ARHGEF4: variants seen among roughly 807,000 people sequenced by gnomAD.
The protein encoded by ARHGEF4 is APC-stimulated guanine nucleotide exchange factor 1.
In ARHGEF4, 119 loss-of-function variants were observed where a neutral mutation model predicts 162.0. The ratio of observed to expected loss-of-function variants is 0.73; its 90% CI spans 0.63 to 0.86. The LOEUF is 0.86. Ranked by LOEUF, ARHGEF4 falls within the 40% of genes least tolerant of loss-of-function variation. ARHGEF4 has a pLI of 0.00. For synonymous variants in ARHGEF4, 1,014 were observed against 979.9 expected (o/e 1.03, Z -0.65); for missense variants, 2,488 against 2,456.0 (o/e 1.01, Z -0.28).
At chr2:130,920,443 T>C (rs1223862172) in intron 2 of ARHGEF4, among the ~76,000 whole-genome samples, 1 of 152,200 alleles carries the variant, frequency 6.6e-6, no homozygotes, top group Non-Finnish European at 1.5e-5. Flanking sequence ...TTATGTTTCA[T>C]TCCTTACTGG....
At chr2:130,851,060 G>C (rs777865445) in intron 1 of ARHGEF4, among the ~76,000 whole-genome samples, 2 of 152,270 alleles carry the variant, frequency 1.3e-5, no homozygotes, top group African/African-American at 2.4e-5. Flanking sequence ...GGGTCCCCTT[G>C]CAGAGCTGTG....
At chr2:130,999,067 C>G (rs1290641356) in intron 4 of ARHGEF4, among the ~76,000 whole-genome samples, 1 of 152,038 alleles carries the variant, frequency 6.6e-6, no homozygotes, top group Non-Finnish European at 1.5e-5. Flanking sequence ...AATGACATAC[C>G]TGTATATCTT....
chr2:130,958,238 T>C (rs1373913112), intron 4 of ARHGEF4, among the ~76,000 whole-genome samples: 4 of 151,972 alleles, frequency 2.6e-5, no homozygotes, highest in African/African-American at 9.7e-5. Flanking sequence ...GAAGGAGCCC[T>C]GTGTTTTTGG....
chr2:130,898,154 C>T (rs1680269939), intron 1 of ARHGEF4, among the ~76,000 whole-genome samples: 1 of 152,220 alleles, frequency 6.6e-6, no homozygotes, highest in African/African-American at 2.4e-5. Context: ...GCCTTGAGCA[C>T]AAAGATGCCC....
At chr2:130,850,977 C>A (rs911271998) in intron 1 of ARHGEF4, among the ~76,000 whole-genome samples, 3 of 152,248 alleles carry the variant, frequency 2.0e-5, no homozygotes, top group African/African-American at 7.2e-5. Flanking sequence ...CCCCCGAGTT[C>A]CGACTTTGGG....
At chr2:130,886,549 C>T (rs1189166484) in intron 1 of ARHGEF4, among the ~76,000 whole-genome samples, 2 of 151,594 alleles carry the variant, frequency 1.3e-5, no homozygotes, top group Admixed American at 6.6e-5. Flanking sequence ...GGCATGGTGG[C>T]GGGCACCTGT....
At chr2:130,928,847 C>T (rs1162413201) in intron 2 of ARHGEF4, among the ~76,000 whole-genome samples, 1 of 152,156 alleles carries the variant, frequency 6.6e-6, no homozygotes, top group Non-Finnish European at 1.5e-5. Flanking sequence ...AGTCTGCTTT[C>T]TGGCCCCCTC....
chr2:130,920,742 A>G (rs1033222353), intron 2 of ARHGEF4, among the ~76,000 whole-genome samples: 5 of 152,198 alleles, frequency 3.3e-5, no homozygotes, highest in Admixed American at 6.5e-5. Context: ...TAAAACAACC[A>G]TTCTTAATAT....
At chr2:131,043,627 G>C in intron 11 of ARHGEF4, 44 bp downstream of exon 11, 1 of 1,612,460 alleles carries the variant, frequency 6.2e-7, no homozygotes, top group Non-Finnish European at 8.5e-7. Flanking sequence ...TGAGCAAGTG[G>C]AGGGAGGGGA....
At chr2:130,884,898 C>G (rs770754196) in intron 1 of ARHGEF4, among the ~76,000 whole-genome samples, 1 of 152,034 alleles carries the variant, frequency 6.6e-6, no homozygotes, top group Non-Finnish European at 1.5e-5. Flanking sequence ...GGAAGAGGCT[C>G]GGCCTCTCTA....
chr2:130,953,176 C>T (rs187633498), intron 4 of ARHGEF4, among the ~76,000 whole-genome samples: 1 of 152,080 alleles, frequency 6.6e-6, no homozygotes, highest in Non-Finnish European at 1.5e-5. Context: ...TCTACAGTAA[C>T]CAAAACAGCA....
Position 130,914,516 on chromosome 2 carries a change from C to G in ARHGEF4, c.570C>G (p.Asp190Glu). 3 of 1,428,008 alleles carry G rather than the reference C, an allele frequency of 2.1e-6. No individual in the cohort carries two copies. Among genetic ancestry groups the G allele is most frequent in the Non-Finnish European group, 2.7e-6 (3 of 1,096,808 alleles). 88.5% of individuals were successfully genotyped at this position (1,428,008 alleles called of 1,614,324 possible). A position where few individuals can be genotyped will look rare whatever the true frequency, so the allele number is the denominator to read the frequency against. ...GGTGCTGCTTACAGAGGGCCACAGA[C>G]AGCAGTGGTCCTGAGCCAGTACAGG... ...HTGCCLQRAT[D>E]SSGPEPVQGV... is the part of the protein sequence containing the mutation. Residue 190 changes from aspartate to glutamate, a missense_variant, in exon 2 of 14, where the codon GAC becomes GAG. Transcript: ENST00000409359.
chr2:130,914,291 G>A lies in ARHGEF4; in HGVS notation c.345G>A (p.Gln115=), dbSNP rs1681363848. The A allele has an allele frequency of 6.6e-7, 1 of 1,519,174 alleles. No homozygotes were observed. The highest frequency in any genetic ancestry group is 1.4e-5 in the African/African-American group (1 of 72,704). 94.1% of individuals were successfully genotyped at this position (1,519,174 alleles called of 1,614,324 possible). The change falls in exon 2 of 14, where the codon CAG becomes CAA. Residue 115 remains glutamine, a synonymous_variant. Coordinates refer to ENST00000409359, the MANE Select transcript of ARHGEF4 (RefSeq NM_001367493.1). ...ATGTCTCAGCAACTGGACCCCCTCA[G>A]GAGCAGCATTTGACCAGTGTTCCTG... ...YPDVSATGPP[Q]EQHLTSVPGL...
intron 4 of ARHGEF4, among the ~76,000 whole-genome samples, chr2:131,015,922 G>A (rs1018687847): frequency 2.0e-5 from 3 of 152,286 alleles, no homozygotes; most frequent in East Asian, 1.9e-4. Flanking sequence ...GGCCACACCC[G>A]GACACGTATC....
intron 1 of ARHGEF4, among the ~76,000 whole-genome samples, chr2:130,900,194 T>C (rs1680404898): frequency 6.6e-6 from 1 of 152,226 alleles, no homozygotes; most frequent in African/African-American, 2.4e-5. Context: ...TATATTCTGC[T>C]GATGTTGAGT....
At chr2:131,003,215 G>A (rs1340755602) in intron 4 of ARHGEF4, among the ~76,000 whole-genome samples, 1 of 152,120 alleles carries the variant, frequency 6.6e-6, no homozygotes, top group Non-Finnish European at 1.5e-5. Context: ...CATCCCGCAC[G>A]CACTCTGTAC....
intron 1 of ARHGEF4, among the ~76,000 whole-genome samples, chr2:130,841,071 G>T (rs546792743): frequency 6.6e-6 from 1 of 152,030 alleles, no homozygotes; most frequent in Non-Finnish European, 1.5e-5. Context: ...AAAAGTGGTT[G>T]TTTGTTTGTT....
intron 1 of ARHGEF4, among the ~76,000 whole-genome samples, chr2:130,881,744 C>T (rs1462469048): frequency 1.3e-5 from 2 of 152,070 alleles, no homozygotes; most frequent in South Asian, 2.1e-4. Flanking sequence ...GCGGCCCTTG[C>T]GTGGGCGAGA....
chr2:130,988,899 T>TAGAGAGAGAG (rs1174212061), intron 4 of ARHGEF4, among the ~76,000 whole-genome samples: 147 of 113,024 alleles, frequency 1.3e-3, no homozygotes, highest in South Asian at 4.1e-3. Context: ...TATATATATA[T>TAGAGAGAGAG]ATAGAGAGAG....
Sources: allele counts gnomAD v4.1 joint callset (sites outside exome capture counted in the v4.1 genomes callset), GRCh38; gene constraint gnomAD v4.1.1; transcripts MANE v1.5; gene names NCBI Gene and HGNC (gene_info 2026-07-23, HGNC 2026-07-21).